The following TOX variants were observed in gnomAD, a reference collection of about 807,000 sequenced individuals.
The protein encoded by TOX is thymocyte selection associated high mobility group box.
In TOX, 11 loss-of-function variants were observed where a neutral mutation model predicts 53.7. The ratio of observed to expected loss-of-function variants is 0.20; its 90% confidence interval spans 0.13 to 0.34. The LOEUF (loss-of-function observed/expected upper bound fraction) is 0.34, where lower values mean the gene tolerates loss of function less well. Among genes scored for constraint, TOX ranks in the 10% least tolerant of loss-of-function variants. TOX has a pLI of 1.00. For synonymous variants in TOX, 225 were observed against 245.3 expected (o/e 0.92, Z 0.77); for missense variants, 570 against 664.6 (o/e 0.86, Z 1.56).
intron 1 of TOX, among the ~76,000 whole-genome samples, chr8:59,070,485 T>C (rs1291228543): frequency 6.9e-6 from 1 of 145,148 alleles, no homozygotes; most frequent in Non-Finnish European, 1.5e-5. Context: ...ATGTGCACAT[T>C]CCATAAATTA....
At chr8:58,874,739 A>ATT (rs544361324) in intron 3 of TOX, among the ~76,000 whole-genome samples, 458 of 152,338 alleles carry the variant, frequency 3.0e-3, no homozygotes, top group African/African-American at 0.01. Flanking sequence ...GGGAATTCCC[A>ATT]TTATTGCTGA....
At chr8:58,883,582 A>G (rs1224708247) in intron 3 of TOX, among the ~76,000 whole-genome samples, 1 of 152,224 alleles carries the variant, frequency 6.6e-6, no homozygotes, top group Non-Finnish European at 1.5e-5. Context: ...TTTGATTAAT[A>G]GTGTGACAGC....
chr8:59,058,469 G>C (rs1414943309), intron 1 of TOX, among the ~76,000 whole-genome samples: 1 of 152,218 alleles, frequency 6.6e-6, no homozygotes, highest in Non-Finnish European at 1.5e-5. Context: ...GAATCCACAT[G>C]CTTGCCCACT....
intron 7 of TOX, among the ~76,000 whole-genome samples, chr8:58,813,695 T>A (rs540232922): frequency 6.6e-6 from 1 of 152,312 alleles, no homozygotes; most frequent in East Asian, 1.9e-4. Flanking sequence ...AATCAACAAC[T>A]GTCTGTTGGA....
At chr8:59,025,187 C>G (rs1814211892) in intron 1 of TOX, among the ~76,000 whole-genome samples, 1 of 152,158 alleles carries the variant, frequency 6.6e-6, no homozygotes, top group South Asian at 2.1e-4. Flanking sequence ...GATTGATAAT[C>G]TGGGCCAGAG....
intron 1 of TOX, among the ~76,000 whole-genome samples, chr8:58,982,516 T>C (rs546555197): frequency 6.6e-6 from 1 of 152,340 alleles, no homozygotes; most frequent in East Asian, 1.9e-4. Context: ...CTATCTTTAC[T>C]GATGGCATGA....
chr8:59,025,522 T>C (rs1431754440), intron 1 of TOX, among the ~76,000 whole-genome samples: 1 of 152,032 alleles, frequency 6.6e-6, no homozygotes, highest in Non-Finnish European at 1.5e-5. Flanking sequence ...CATAAAGGGA[T>C]CCCAACCTAC....
intron 1 of TOX, among the ~76,000 whole-genome samples, chr8:59,101,144 G>C (rs952960603): frequency 9.9e-5 from 15 of 152,132 alleles, no homozygotes; most frequent in African/African-American, 3.4e-4. Flanking sequence ...GGTATTCAGA[G>C]CTCAATAGTA....
At chr8:58,872,648 T>C (rs1014417118) in intron 3 of TOX, among the ~76,000 whole-genome samples, 2 of 152,124 alleles carry the variant, frequency 1.3e-5, no homozygotes, top group African/African-American at 4.8e-5. Flanking sequence ...TGTATCATCA[T>C]CAGAAAACCA....
chr8:59,075,727 T>C (rs182568315), intron 1 of TOX, among the ~76,000 whole-genome samples: 270 of 152,192 alleles, frequency 1.8e-3, no homozygotes, highest in African/African-American at 6.3e-3. Context: ...AAAACCTTGA[T>C]GAGATAGTGC....
At chr8:59,107,050 G>GGGGA (rs1563448637) in intron 1 of TOX, among the ~76,000 whole-genome samples, 15 of 132,370 alleles carry the variant, frequency 1.1e-4, no homozygotes, top group Non-Finnish European at 2.1e-4. Flanking sequence ...GTTTGCTGGG[G>GGGGA]GGGGGGGGAA....
At chr8:58,962,175 C>T (rs1812810844) in intron 1 of TOX, among the ~76,000 whole-genome samples, 1 of 152,220 alleles carries the variant, frequency 6.6e-6, no homozygotes, top group African/African-American at 2.4e-5. Context: ...GTCTATCCAA[C>T]ATGTACGCTA....
At chr8:58,930,484 A>AGTTAATGCTGAGT in intron 3 of TOX, among the ~76,000 whole-genome samples, 1 of 152,306 alleles carries the variant, frequency 6.6e-6, no homozygotes, top group African/African-American at 2.4e-5. Context: ...TGGGGAGTGG[A>AGTTAATGCTGAGT]GTTAATGCTG....
chr8:59,086,608 G>C (rs1042827741), intron 1 of TOX, among the ~76,000 whole-genome samples: 4 of 152,166 alleles, frequency 2.6e-5, no homozygotes, highest in Admixed American at 2.0e-4. Flanking sequence ...AATCAAATTA[G>C]TCTGAAACAC....
At chr8:58,920,573 G>A (rs1174931897) in intron 3 of TOX, among the ~76,000 whole-genome samples, 1 of 68,708 alleles carries the variant, frequency 1.5e-5, no homozygotes, top group African/African-American at 5.7e-5. Context: ...CGGGGGAGGG[G>A]GGAGGGATAG....
At chr8:59,032,060 G>A (rs1157063040) in intron 1 of TOX, among the ~76,000 whole-genome samples, 1 of 152,184 alleles carries the variant, frequency 6.6e-6, no homozygotes, top group Non-Finnish European at 1.5e-5. Context: ...AAGGAGACTA[G>A]TTAGAAAGCC....
At chr8:58,980,409 G>GA (rs200885109) in intron 1 of TOX, among the ~76,000 whole-genome samples, 4,711 of 148,158 alleles carry the variant, frequency 0.032, 214 homozygotes, top group African/African-American at 0.1. Context: ...GGTGTACTCT[G>GA]AAAAAAAAAA....
At chr8:59,097,345 G>A (rs1003697263) in intron 1 of TOX, among the ~76,000 whole-genome samples, 17 of 152,108 alleles carry the variant, frequency 1.1e-4, no homozygotes, top group African/African-American at 3.9e-4. Context: ...CAGGGTCTAC[G>A]CCACCGGAGT....
At chr8:58,862,966 T>C (rs1811035956) in intron 3 of TOX, among the ~76,000 whole-genome samples, 1 of 152,164 alleles carries the variant, frequency 6.6e-6, no homozygotes, top group African/African-American at 2.4e-5. Flanking sequence ...ATAGACCCTC[T>C]CAACTAATAA....
Sources: allele counts gnomAD v4.1 joint callset (sites outside exome capture counted in the v4.1 genomes callset), GRCh38; gene constraint gnomAD v4.1.1; transcripts MANE v1.5; gene names NCBI Gene and HGNC (gene_info 2026-07-23, HGNC 2026-07-21).